Variants in ARMC2 observed in about 807,000 individuals in gnomAD.
The protein encoded by ARMC2 is armadillo repeat containing 2.
A neutral mutation model predicts 90.3 loss-of-function variants in ARMC2; 67 were observed. The ratio of observed to expected loss-of-function variants is 0.74; its 90% CI spans 0.61 to 0.91. ARMC2 has a LOEUF of 0.91. ARMC2 is among the 40% of genes least tolerant of loss of function. The pLI is 0.00. For synonymous variants in ARMC2, 393 were observed against 393.0 expected (o/e 1.00, Z 0.00); for missense variants, 920 against 1,030.9 (o/e 0.89, Z 1.47).
intron 10 of ARMC2, chr6:108,924,022 A>G (rs1774869026): frequency 1.3e-5 from 2 of 152,130 alleles, no homozygotes; most frequent in Non-Finnish European, 1.5e-5. Context: ...CTGAATAGAA[A>G]GAGGAATAAG....
At chr6:108,985,315 G>C in the ARMC2 span, among the ~76,000 whole-genome samples, 1 of 152,000 alleles carries the variant, frequency 6.6e-6, no homozygotes, top group East Asian at 1.9e-4. Context: ...TTGAATCCTG[G>C]GACCCTCAAC....
At chr6:108,856,486 C>T (rs908702693) in intron 2 of ARMC2, 7 of 216,552 alleles carry the variant, frequency 3.2e-5, no homozygotes, top group South Asian at 1.6e-4. Flanking sequence ...ACCCATTACC[C>T]TAGTTTCTTG....
intron 13 of ARMC2, among the ~76,000 whole-genome samples, chr6:108,956,008 C>T (rs183759744): frequency 3.3e-5 from 5 of 152,320 alleles, no homozygotes; most frequent in Non-Finnish European, 7.3e-5. Context: ...CTCCTTTGCC[C>T]CCAGGTGAGC....
intron 11 of ARMC2, among the ~76,000 whole-genome samples, chr6:108,936,244 T>C (rs1412917339): frequency 1.3e-5 from 2 of 151,806 alleles, no homozygotes; most frequent in African/African-American, 4.9e-5. Flanking sequence ...AATGTATAGG[T>C]TTTTTGTTTG....
At chr6:108,901,582 A>AT (rs1223495502) in intron 7 of ARMC2, among the ~76,000 whole-genome samples, 2 of 149,370 alleles carry the variant, frequency 1.3e-5, no homozygotes, top group African/African-American at 5.0e-5. Context: ...CACCCTGCTA[A>AT]TTTTTTGTAT....
chr6:108,930,219 C>T (rs1775422044), intron 11 of ARMC2, among the ~76,000 whole-genome samples: 1 of 151,724 alleles, frequency 6.6e-6, no homozygotes, highest in African/African-American at 2.4e-5. Context: ...AAAATATTTA[C>T]TTATTTATTT....
chr6:109,009,025 T>TG, the ARMC2 span: 1 of 1,011,100 alleles, frequency 9.9e-7, no homozygotes, highest in Non-Finnish European at 1.2e-6. Context: ...TTCTGACTTG[T>TG]GGAGACTTGT....
At chr6:108,990,614 ATC>A in the ARMC2 span, 1 of 1,606,404 alleles carries the variant, frequency 6.2e-7, no homozygotes, top group Non-Finnish European at 8.5e-7. Context: ...AGAGGAAAAC[ATC>A]TCTTTATAAA....
At chr6:109,038,922 G>GGAA in the ARMC2 span, among the ~76,000 whole-genome samples, 1 of 147,370 alleles carries the variant, frequency 6.8e-6, no homozygotes, top group African/African-American at 2.5e-5. Context: ...AGGAGGAGGA[G>GGAA]GAGGAGAAGA....
chr6:109,004,996 C>A, the ARMC2 span, among the ~76,000 whole-genome samples: 1 of 152,116 alleles, frequency 6.6e-6, no homozygotes, highest in Non-Finnish European at 1.5e-5. Flanking sequence ...TTACTACAAC[C>A]GCTAGGAAGG....
At chr6:109,032,796 C>CT in the ARMC2 span, among the ~76,000 whole-genome samples, 2 of 152,058 alleles carry the variant, frequency 1.3e-5, no homozygotes, top group African/African-American at 4.8e-5. Flanking sequence ...CGATCAGGGT[C>CT]AGGGCTAAGA....
At chr6:109,037,842 T>C in the ARMC2 span, among the ~76,000 whole-genome samples, 1 of 151,916 alleles carries the variant, frequency 6.6e-6, no homozygotes, top group African/African-American at 2.4e-5. Flanking sequence ...GAGATAAAAA[T>C]AGTAAAATGA....
intron 1 of ARMC2, among the ~76,000 whole-genome samples, chr6:108,851,402 T>C (rs1438901990): frequency 6.6e-6 from 1 of 152,224 alleles, no homozygotes; most frequent in African/African-American, 2.4e-5. Flanking sequence ...TTGTTTTTAT[T>C]GCTGCCATCA....
At chr6:108,939,598 C>T (rs1031498135) in intron 12 of ARMC2, among the ~76,000 whole-genome samples, 19 of 152,190 alleles carry the variant, frequency 1.2e-4, no homozygotes, top group African/African-American at 4.1e-4. Context: ...CAGCATGCTT[C>T]CTGTACAGCC....
chr6:108,969,365 A>C (rs780593868), intron 17 of ARMC2, among the ~76,000 whole-genome samples: 1 of 152,224 alleles, frequency 6.6e-6, no homozygotes, highest in African/African-American at 2.4e-5. Context: ...GCAGGACACA[A>C]ACTTCTAATG....
intron 8 of ARMC2, chr6:108,907,767 C>T (rs1772936663): frequency 1.1e-5 from 17 of 1,610,790 alleles, no homozygotes; most frequent in African/African-American, 1.3e-5. Flanking sequence ...TGAAACGCTC[C>T]GAAAATGCCA....
intron 13 of ARMC2, among the ~76,000 whole-genome samples, chr6:108,958,754 A>G (rs193149293): frequency 4.7e-4 from 72 of 152,382 alleles, no homozygotes; most frequent in African/African-American, 1.7e-3. Flanking sequence ...ATAAGCACTT[A>G]CTTAGCACCC....
chr6:108,992,834 T>C, the ARMC2 span: 1 of 1,613,824 alleles, frequency 6.2e-7, no homozygotes, highest in Non-Finnish European at 8.5e-7. Flanking sequence ...GAGAAATCTT[T>C]ATAGCCATAA....
the ARMC2 span, among the ~76,000 whole-genome samples, chr6:108,991,228 A>AGTGTGTGTGT: frequency 3.4e-5 from 5 of 148,048 alleles, no homozygotes; most frequent in African/African-American, 1.2e-4. Flanking sequence ...TCAAATTATG[A>AGTGTGTGTGT]GTGTGTGTGT....
Sources: gnomAD v4.1 joint callset for allele counts (sites outside exome capture counted in the v4.1 genomes callset) on GRCh38, gnomAD v4.1.1 for gene constraint, MANE v1.5 for transcripts, NCBI Gene and HGNC (gene_info 2026-07-23, HGNC 2026-07-21) for gene names.